Variants in KAZN observed in about 807,000 individuals in gnomAD.
The protein encoded by KAZN is kazrin, periplakin interacting protein.
Under a neutral mutation model 87.4 loss-of-function variants are expected in KAZN, and 40 were observed. The ratio of observed to expected loss-of-function variants is 0.46; its 90% confidence interval spans 0.36 to 0.60. The LOEUF (loss-of-function observed/expected upper bound fraction) is 0.60. Among genes scored for constraint, KAZN ranks in the 20% least tolerant of loss-of-function variants. KAZN has a pLI of 0.00. For synonymous variants in KAZN, 466 were observed against 458.3 expected, an observed-to-expected ratio of 1.02 and a Z score of -0.22; for missense variants, 898 against 1,073.9, an observed-to-expected ratio of 0.84 and a Z score of 2.29.
At chr1:14,747,673 A>G (rs6429676) in intron 1 of KAZN, among the ~76,000 whole-genome samples, 73,230 of 152,130 alleles carry the variant, frequency 0.48, 18,139 homozygotes, top group African/African-American at 0.58. Flanking sequence ...TGAACATTAA[A>G]TACAAGTATC....
rs546525879 is a variant in KAZN at position 14,732,364 on chromosome 1, T to A, written c.226+133141T>A. On this transcript the variant is annotated intron_variant, in intron 1 of 14. Coordinates refer to ENST00000376030, the MANE Select transcript of KAZN (RefSeq NM_201628.3). ...ATTTAAGAACAAAATGAAGGCCGGG[T>A]GCAATGGCTCATGCCTGTAATCCCA... Among the ~76,000 whole-genome samples, 10 of 152,258 alleles carry A rather than the reference T, an allele frequency of 6.6e-5. No homozygotes were observed. In the East Asian group the frequency reaches 1.9e-3, roughly 29 times the overall value.
intron 1 of KAZN, among the ~76,000 whole-genome samples, chr1:14,864,610 G>T (rs936641635): frequency 6.6e-6 from 1 of 152,104 alleles, no homozygotes; most frequent in Non-Finnish European, 1.5e-5. Context: ...GGGTATAAAG[G>T]TGGGACGGAC....
At chr1:15,092,223 T>C (rs1228666258) in intron 8 of KAZN, among the ~76,000 whole-genome samples, 100 of 151,242 alleles carry the variant, frequency 6.6e-4, no homozygotes, top group Non-Finnish European at 6.8e-4. Flanking sequence ...ATTACAGGCA[T>C]ATGCCACCAC....
chr1:14,064,816 G>A (rs1021871070), intron 1 of KAZN, among the ~76,000 whole-genome samples: 7 of 152,146 alleles, frequency 4.6e-5, no homozygotes, highest in African/African-American at 1.2e-4. Flanking sequence ...GTGGAGTTTG[G>A]GAAGTGGACA....
At chr1:14,394,361 A>G (rs1571508301) in intron 2 of KAZN, among the ~76,000 whole-genome samples, 1 of 152,244 alleles carries the variant, frequency 6.6e-6, no homozygotes, top group Non-Finnish European at 1.5e-5. Context: ...CTATTTCAAG[A>G]TTGCCAATAA....
chr1:14,553,561 T>C (rs1673676357), intron 2 of KAZN, among the ~76,000 whole-genome samples: 1 of 152,154 alleles, frequency 6.6e-6, no homozygotes, highest in Non-Finnish European at 1.5e-5. Flanking sequence ...TGGGAAAACT[T>C]AGTCTCAATG....
At chr1:14,905,574 A>T (rs1226269060) in intron 1 of KAZN, among the ~76,000 whole-genome samples, 1 of 152,208 alleles carries the variant, frequency 6.6e-6, no homozygotes, top group Non-Finnish European at 1.5e-5. Context: ...GGCTGGGTGC[A>T]GTGGCTCACG....
intron 1 of KAZN, among the ~76,000 whole-genome samples, chr1:14,126,583 A>C (rs1257938895): frequency 1.3e-5 from 2 of 152,144 alleles, no homozygotes; most frequent in Non-Finnish European, 2.9e-5. Context: ...ACCTAATGAC[A>C]GACATGGCAT....
At chr1:14,801,854 T>G (rs1252000131) in intron 1 of KAZN, among the ~76,000 whole-genome samples, 1 of 151,752 alleles carries the variant, frequency 6.6e-6, no homozygotes, top group Admixed American at 6.6e-5. Flanking sequence ...CAGCTAATTT[T>G]TTTGTATTTT....
intron 1 of KAZN, among the ~76,000 whole-genome samples, chr1:13,959,962 T>C (rs1256196546): frequency 6.6e-6 from 1 of 152,156 alleles, no homozygotes; most frequent in African/African-American, 2.4e-5. Context: ...CAATGATGAA[T>C]AGAAACGGAT....
intron 1 of KAZN, among the ~76,000 whole-genome samples, chr1:14,725,004 C>T (rs985390508): frequency 2.6e-5 from 4 of 152,192 alleles, no homozygotes; most frequent in African/African-American, 7.2e-5. Context: ...AAGTACCAGG[C>T]ACATAAGAGA....
Position 14,540,202 on chromosome 1 carries a change from T to C in KAZN, c.250-58781T>C, listed in dbSNP as rs193147218. Among the ~76,000 whole-genome samples the C allele has an allele frequency of 1.1e-4, 16 of 151,800 alleles. No individual in the cohort carries two copies. In the East Asian group the frequency reaches 2.7e-3, roughly 26 times the overall value. ...TCGCATCAGTGCTTTGGAGGAGGAG[T>C]TGGTTTTGCTTTGAGTTTTTATGAG... On this transcript the variant is annotated intron_variant, in intron 2 of 16. Transcript: ENST00000636203.
chr1:15,065,800 C>A (rs761794044), intron 8 of KAZN, 47 bp downstream of exon 8: 2 of 1,602,998 alleles, frequency 1.2e-6, no homozygotes, highest in Non-Finnish European at 1.7e-6. Context: ...ACTGGTGATA[C>A]GCGCTCCCCT....
chr1:14,346,358 T>C (rs1571352170), intron 2 of KAZN, among the ~76,000 whole-genome samples: 1 of 152,308 alleles, frequency 6.6e-6, no homozygotes. Context: ...ATGAGGATGA[T>C]GACTCATAGC....
chr1:14,876,395 TTAA>T (rs1652774244), intron 1 of KAZN, among the ~76,000 whole-genome samples: 1 of 152,210 alleles, frequency 6.6e-6, no homozygotes, highest in African/African-American at 2.4e-5. Context: ...AGGCAGGTGA[TTAA>T]ACATGCCTTT....
In KAZN at chr1:14,599,607, A is replaced by T. The variant is rs1466841467; in HGVS notation, c.226+384A>T. Among the ~76,000 whole-genome samples, 1 of 151,986 alleles carries T rather than the reference A, an allele frequency of 6.6e-6. No individual in the cohort carries two copies. Among genetic ancestry groups the T allele is most frequent in the East Asian group, 1.9e-4 (1 of 5,150 alleles). On this transcript the variant is annotated intron_variant, in intron 1 of 14. Transcript: ENST00000376030. The surrounding 1 kb of genome is among the most constrained non-coding windows in gnomAD (Gnocchi z 4.4). ...AGGGGTGAATGGCACAGTTCCCCCC[A>T]CTTCCTTAGGCTCCTTCCCAGAGAG...
rs139891243 is a variant in KAZN at position 14,310,462 on chromosome 1, A to T, written c.249+129870A>T. 4.0e-4 allele frequency among the ~76,000 whole-genome samples: 61 copies of T among 152,320 alleles called. 1 individual carries two copies. The highest frequency in any genetic ancestry group is 1.3e-3 in the African/African-American group (56 of 41,574). On this transcript the variant is annotated intron_variant, in intron 2 of 16. Transcript: ENST00000636203. ...CTCAATGACTTAAAGAGTATTTTGC[A>T]TCTAGCATAAATCTCTCTATTGGTT...
chr1:14,391,700 G>A (rs1234789745), intron 2 of KAZN: 1 of 152,168 alleles, frequency 6.6e-6, no homozygotes, highest in African/African-American at 2.4e-5. Flanking sequence ...GATAATCATT[G>A]ACACAAATGG....
intron 1 of KAZN, among the ~76,000 whole-genome samples, chr1:14,008,873 T>C (rs1264875525): frequency 6.6e-6 from 1 of 152,214 alleles, no homozygotes; most frequent in Non-Finnish European, 1.5e-5. Flanking sequence ...AATACATTTA[T>C]AACATTGTGC....
Sources: gnomAD v4.1 joint callset for allele counts (sites outside exome capture counted in the v4.1 genomes callset) on GRCh38, gnomAD v4.1.1 for gene constraint, Gnocchi (gnomAD v3.1) non-coding constraint, MANE v1.5 for transcripts, NCBI Gene and HGNC (gene_info 2026-07-23, HGNC 2026-07-21) for gene names.